Variants in NECAB1 observed in about 807,000 individuals in gnomAD.
NECAB1 encodes the protein N-terminal EF-hand calcium binding protein 1, also known as N-terminal EF-hand calcium-binding protein 1.
In NECAB1, 29 loss-of-function variants were observed where a neutral mutation model predicts 57.5. The observed-to-expected ratio is 0.50, with a 90% CI of 0.38 to 0.69. The LOEUF is 0.69. Among genes scored for constraint, NECAB1 ranks in the 30% least tolerant of loss-of-function variants. The pLI, the probability that NECAB1 is intolerant of heterozygous loss-of-function variation, is 0.00. For missense variants in NECAB1, 372 were observed against 413.8 expected, an observed-to-expected ratio of 0.90 and a Z score of 0.88; for synonymous variants, 142 against 147.7, an observed-to-expected ratio of 0.96 and a Z score of 0.28.
At chr8:90,802,060 G>T (rs1191563399) in intron 2 of NECAB1, among the ~76,000 whole-genome samples, 2 of 152,170 alleles carry the variant, frequency 1.3e-5, no homozygotes, top group Non-Finnish European at 2.9e-5. Flanking sequence ...AGTGCTTTGT[G>T]CATATTATGT....
chr8:90,801,848 G>GT (rs1811763960), intron 2 of NECAB1, 133 bp downstream of exon 2: 1 of 576,680 alleles, frequency 1.7e-6, no homozygotes, highest in African/African-American at 2.0e-5. Context: ...ACTAGTGATC[G>GT]TTTTAGATAA....
chr8:90,804,057 C>G (rs16905415), intron 2 of NECAB1, among the ~76,000 whole-genome samples: 3,966 of 152,264 alleles, frequency 0.026, 166 homozygotes, highest in African/African-American at 0.09. Flanking sequence ...TTGTATTTCT[C>G]TAAGCCAAGC....
intron 3 of NECAB1, among the ~76,000 whole-genome samples, chr8:90,871,319 A>G (rs2129844348): frequency 6.6e-6 from 1 of 152,256 alleles, no homozygotes; most frequent in Middle Eastern, 3.4e-3. Flanking sequence ...TGCTAATATG[A>G]TCATTTTTCT....
At chr8:90,854,416 T>C (rs547652463) in intron 3 of NECAB1, among the ~76,000 whole-genome samples, 7 of 152,332 alleles carry the variant, frequency 4.6e-5, no homozygotes, top group African/African-American at 1.4e-4. Context: ...GAACAACATT[T>C]TAAGCCACAT....
intron 3 of NECAB1, among the ~76,000 whole-genome samples, chr8:90,860,750 G>A (rs181177431): frequency 3.5e-4 from 53 of 152,272 alleles, no homozygotes; most frequent in Admixed American, 1.6e-3. Context: ...TGGTCAGAGA[G>A]ATAATTGCAA....
intron 2 of NECAB1, among the ~76,000 whole-genome samples, chr8:90,813,415 T>A (rs1379914936): frequency 6.6e-6 from 1 of 152,034 alleles, no homozygotes; most frequent in Non-Finnish European, 1.5e-5. Flanking sequence ...TATTTCAATA[T>A]CTAATATGAA....
At chr8:90,925,007 A>G (rs892653959) in intron 6 of NECAB1, among the ~76,000 whole-genome samples, 1 of 151,874 alleles carries the variant, frequency 6.6e-6, no homozygotes, top group Non-Finnish European at 1.5e-5. Context: ...CTTTCATATC[A>G]TAACATATAC....
At chr8:90,934,902 C>T (rs1810498751) in intron 9 of NECAB1, among the ~76,000 whole-genome samples, 1 of 152,002 alleles carries the variant, frequency 6.6e-6, no homozygotes, top group African/African-American at 2.4e-5. Flanking sequence ...ACAAAGGGAT[C>T]CTAAAAAGTA....
chr8:90,906,627 T>C (rs906452965), intron 5 of NECAB1, among the ~76,000 whole-genome samples: 8 of 152,094 alleles, frequency 5.3e-5, no homozygotes, highest in Non-Finnish European at 1.2e-4. Context: ...TACATTCAAA[T>C]AATATTTGCC....
At chr8:90,898,717 T>A (rs1809423446) in intron 5 of NECAB1, among the ~76,000 whole-genome samples, 1 of 152,248 alleles carries the variant, frequency 6.6e-6, no homozygotes, top group Non-Finnish European at 1.5e-5. Flanking sequence ...ATAATACATG[T>A]TGACCACAGT....
intron 5 of NECAB1, among the ~76,000 whole-genome samples, chr8:90,890,758 A>G (rs1019253888): frequency 1.9e-4 from 29 of 152,202 alleles, no homozygotes; most frequent in East Asian, 1.9e-4. Context: ...CTGAAAAACA[A>G]CTCAGTTTAT....
chr8:90,934,601 C>G (rs1810487845), intron 9 of NECAB1, among the ~76,000 whole-genome samples: 1 of 152,006 alleles, frequency 6.6e-6, no homozygotes, highest in African/African-American at 2.4e-5. Flanking sequence ...ATGTATAAAT[C>G]AATGAGTTAT....
At chr8:90,794,482 G>T (rs1239711526) in intron 1 of NECAB1, among the ~76,000 whole-genome samples, 1 of 152,106 alleles carries the variant, frequency 6.6e-6, no homozygotes, top group African/African-American at 2.4e-5. Context: ...ACTTTGATTT[G>T]CAGTGCTTTT....
At chr8:90,833,819 T>C (rs1812327942) in intron 3 of NECAB1, among the ~76,000 whole-genome samples, 1 of 152,122 alleles carries the variant, frequency 6.6e-6, no homozygotes, top group Non-Finnish European at 1.5e-5. Flanking sequence ...TTCTCAAGAA[T>C]GGTCAGTTTA....
intron 10 of NECAB1, among the ~76,000 whole-genome samples, chr8:90,943,724 T>C (rs1287884271): frequency 6.6e-6 from 1 of 152,178 alleles, no homozygotes; most frequent in East Asian, 1.9e-4. Flanking sequence ...CAGATATTAT[T>C]AAGGACTAAC....
intron 2 of NECAB1, 35 bp from the exon 3 acceptor site, chr8:90,824,682 A>G: frequency 1.5e-6 from 2 of 1,348,990 alleles, no homozygotes; most frequent in Non-Finnish European, 2.0e-6. Flanking sequence ...TACAAAATTA[A>G]AATAATTTGT....
At chr8:90,846,716 A>C (rs1188098688) in intron 3 of NECAB1, among the ~76,000 whole-genome samples, 4 of 152,244 alleles carry the variant, frequency 2.6e-5, no homozygotes, top group Non-Finnish European at 5.9e-5. Flanking sequence ...GGCAGAAGGC[A>C]AAAGAGGAGC....
chr8:90,927,012 AT>A (rs1810287405), intron 7 of NECAB1, among the ~76,000 whole-genome samples: 1 of 152,188 alleles, frequency 6.6e-6, no homozygotes, highest in Non-Finnish European at 1.5e-5. Flanking sequence ...CAACATATAG[AT>A]TGTTCTTTCC....
intron 7 of NECAB1, among the ~76,000 whole-genome samples, chr8:90,925,950 C>A (rs941345252): frequency 6.6e-6 from 1 of 152,044 alleles, no homozygotes; most frequent in Admixed American, 6.6e-5. Context: ...TCTATAAGGA[C>A]CCCCCATGAT....
Sources: allele counts gnomAD v4.1 joint callset (sites outside exome capture counted in the v4.1 genomes callset), GRCh38; gene constraint gnomAD v4.1.1; transcripts MANE v1.5; gene names NCBI Gene and HGNC (gene_info 2026-07-23, HGNC 2026-07-21).